Variants in ZBTB16 observed in about 807,000 individuals in gnomAD.
ZBTB16 encodes the protein zinc finger and BTB domain containing 16, also known as zinc finger and BTB domain-containing protein 16.
Under a neutral mutation model 56.8 loss-of-function variants are expected in ZBTB16, and 8 were observed. The observed-to-expected ratio is 0.14, with a 90% CI of 0.08 to 0.25. The LOEUF (loss-of-function observed/expected upper bound fraction) is 0.25. ZBTB16 is among the 10% of genes least tolerant of loss of function. ZBTB16 has a pLI of 1.00. For missense variants in ZBTB16, 625 were observed against 903.0 expected (o/e 0.69, Z 3.95); for synonymous variants, 363 against 368.5 (o/e 0.98, Z 0.17).
At chr11:114,189,467 C>T (rs1404739738) in intron 4 of ZBTB16, 1 of 152,156 alleles carries the variant, frequency 6.6e-6, no homozygotes, top group East Asian at 1.9e-4. Flanking sequence ...CCAGAACTCT[C>T]ATGGGAGTGT....
chr11:114,225,186 A>G (rs1944304859), intron 4 of ZBTB16, among the ~76,000 whole-genome samples: 1 of 152,152 alleles, frequency 6.6e-6, no homozygotes, highest in Non-Finnish European at 1.5e-5. Flanking sequence ...AAGGCATTCT[A>G]GGGAGATTTT....
intron 2 of ZBTB16, among the ~76,000 whole-genome samples, chr11:114,123,476 T>C (rs1420079828): frequency 6.6e-6 from 1 of 152,228 alleles, no homozygotes; most frequent in East Asian, 1.9e-4. Flanking sequence ...ACGAGATGTG[T>C]GCATATATAC....
At chr11:114,139,146 C>T (rs2134887493) in intron 2 of ZBTB16, among the ~76,000 whole-genome samples, 1 of 152,326 alleles carries the variant, frequency 6.6e-6, no homozygotes, top group Non-Finnish European at 1.5e-5. Flanking sequence ...TCTTGAGATG[C>T]AAATGGACAT....
intron 5 of ZBTB16, among the ~76,000 whole-genome samples, chr11:114,244,129 TGCTGGG>T (rs1242973217): frequency 6.6e-6 from 1 of 152,192 alleles, no homozygotes; most frequent in African/African-American, 2.4e-5. Context: ...GCCCATTTGC[TGCTGGG>T]GCCGGGTGTT....
At chr11:114,148,863 GGTGTGTGTGT>G (rs35071911) in intron 2 of ZBTB16, among the ~76,000 whole-genome samples, 57 of 144,046 alleles carry the variant, frequency 4.0e-4, no homozygotes, top group African/African-American at 1.3e-3. Context: ...GTTTTTTACT[GGTGTGTGTGT>G]GTGTGTGTGT....
intron 2 of ZBTB16, among the ~76,000 whole-genome samples, chr11:114,065,434 G>A (rs61904430): frequency 1.3e-5 from 2 of 150,754 alleles, no homozygotes; most frequent in African/African-American, 2.4e-5. Context: ...TTTTTTTTTG[G>A]ATGTGAAGTT....
intron 4 of ZBTB16, among the ~76,000 whole-genome samples, chr11:114,213,996 A>G (rs1944045041): frequency 6.6e-6 from 1 of 152,130 alleles, no homozygotes; most frequent in South Asian, 2.1e-4. Flanking sequence ...GTCTTTTCCT[A>G]CTATTCTGAC....
chr11:114,169,553 A>G (rs1351614538), intron 3 of ZBTB16, among the ~76,000 whole-genome samples: 1 of 152,168 alleles, frequency 6.6e-6, no homozygotes, highest in Non-Finnish European at 1.5e-5. Flanking sequence ...GAAGTCATTC[A>G]TCAGTTAGCA....
At chr11:114,222,935 C>A (rs1438542651) in intron 4 of ZBTB16, among the ~76,000 whole-genome samples, 1 of 152,164 alleles carries the variant, frequency 6.6e-6, no homozygotes, top group Admixed American at 6.5e-5. Flanking sequence ...TGCCTGAGGG[C>A]AGCTCACAGC....
chr11:114,077,760 T>G (rs763592395), intron 2 of ZBTB16, among the ~76,000 whole-genome samples: 19 of 152,192 alleles, frequency 1.2e-4, no homozygotes, highest in Non-Finnish European at 2.5e-4. Flanking sequence ...CAAGAGAACC[T>G]TCTCCAGGTT....
intron 4 of ZBTB16, among the ~76,000 whole-genome samples, chr11:114,228,208 A>G (rs1468941877): frequency 2.6e-5 from 4 of 152,246 alleles, no homozygotes; most frequent in African/African-American, 4.8e-5. Context: ...CATTTGTAAT[A>G]TAGAAATATG....
chr11:114,114,522 T>A (rs986210834), intron 2 of ZBTB16, among the ~76,000 whole-genome samples: 4 of 152,190 alleles, frequency 2.6e-5, no homozygotes, highest in Non-Finnish European at 5.9e-5. Context: ...AAAAAGAGTT[T>A]GTTTCAGTTC....
intron 2 of ZBTB16, among the ~76,000 whole-genome samples, chr11:114,076,640 C>T (rs1489969774): frequency 2.0e-5 from 3 of 149,962 alleles, no homozygotes; most frequent in Non-Finnish European, 4.4e-5. Flanking sequence ...CCACCCCCGC[C>T]CCCTTGGCAG....
intron 2 of ZBTB16, among the ~76,000 whole-genome samples, chr11:114,114,650 TC>T (rs1044878044): frequency 6.6e-6 from 1 of 151,992 alleles, no homozygotes; most frequent in Non-Finnish European, 1.5e-5. Flanking sequence ...TGCATAGAGG[TC>T]CTACAGATCA....
chr11:114,097,644 T>C (rs1348535555), intron 2 of ZBTB16, among the ~76,000 whole-genome samples: 1 of 152,216 alleles, frequency 6.6e-6, no homozygotes. Context: ...AGCGTTGCCC[T>C]TTAACTATCA....
chr11:114,089,005 T>C (rs1940075241), intron 2 of ZBTB16, among the ~76,000 whole-genome samples: 1 of 152,198 alleles, frequency 6.6e-6, no homozygotes, highest in Non-Finnish European at 1.5e-5. Context: ...GAGCAAGGCC[T>C]GGGGACGAGG....
chr11:114,194,621 G>A (rs955602975), intron 4 of ZBTB16, among the ~76,000 whole-genome samples: 1 of 152,198 alleles, frequency 6.6e-6, no homozygotes, highest in African/African-American at 2.4e-5. Flanking sequence ...GGGTTGCAGA[G>A]CAGTGAGGAA....
At chr11:114,068,005 A>G (rs919689340) in intron 2 of ZBTB16, among the ~76,000 whole-genome samples, 38 of 138,460 alleles carry the variant, frequency 2.7e-4, no homozygotes, top group African/African-American at 9.9e-4. Context: ...GAGAAATGCT[A>G]TGGTGGAAAA....
At chr11:114,070,384 A>T (rs1939303917) in intron 2 of ZBTB16, among the ~76,000 whole-genome samples, 1 of 152,130 alleles carries the variant, frequency 6.6e-6, no homozygotes, top group South Asian at 2.1e-4. Flanking sequence ...CTGGGATTAC[A>T]GGCGTGAGCC....
Sources: allele counts gnomAD v4.1 joint callset (sites outside exome capture counted in the v4.1 genomes callset), GRCh38; gene constraint gnomAD v4.1.1; transcripts MANE v1.5; gene names NCBI Gene and HGNC (gene_info 2026-07-23, HGNC 2026-07-21).